MSH4: variants seen among roughly 807,000 people sequenced by gnomAD.
The protein encoded by MSH4 is mutS protein homolog 4.
MSH4 carries 106 observed loss-of-function variants against 113.7 expected under a neutral mutation model. The ratio of observed to expected loss-of-function variants is 0.93; its 90% confidence interval spans 0.80 to 1.10. The LOEUF is 1.10. Ranked by LOEUF, MSH4 falls within the 50% of genes least tolerant of loss-of-function variation. The pLI is 0.00. For synonymous variants in MSH4, 368 were observed against 380.2 expected, an observed-to-expected ratio of 0.97 and a Z score of 0.37; for missense variants, 1,061 against 1,093.7, an observed-to-expected ratio of 0.97 and a Z score of 0.42.
At chr1:75,839,198 C>T (rs1450606966) in intron 7 of MSH4, among the ~76,000 whole-genome samples, 5 of 151,564 alleles carry the variant, frequency 3.3e-5, no homozygotes, top group Admixed American at 3.3e-4. Context: ...ATAAACATTT[C>T]TCTGTTTTCT....
At position 75,803,478 on chromosome 1, in the gene MSH4, G is replaced by A. The variant is rs547535380; in HGVS notation, c.245-253G>A. ...CTAAAAATACAAAAATTCACCAGGC[G>A]TGGTGGCGGGTGCCTGTAATCCCAG... On this transcript the variant is annotated intron_variant, in intron 1 of 19. Transcript: ENST00000263187. Among the ~76,000 whole-genome samples, 17 of 152,080 alleles carry A rather than the reference G, an allele frequency of 1.1e-4. No homozygotes were observed. In the East Asian group the frequency reaches 2.3e-3, roughly 21 times the overall value.
chr1:75,807,936 A>G (rs1011782174), intron 3 of MSH4, among the ~76,000 whole-genome samples: 1 of 152,196 alleles, frequency 6.6e-6, no homozygotes, highest in Non-Finnish European at 1.5e-5. Context: ...GAGCTGGGAC[A>G]GACTCTTCTG....
intron 6 of MSH4, among the ~76,000 whole-genome samples, chr1:75,816,818 G>A (rs964005882): frequency 6.6e-5 from 10 of 152,014 alleles, no homozygotes; most frequent in Non-Finnish European, 1.5e-5. Flanking sequence ...ATAGAGACAG[G>A]GTTTCACCAT....
intron 8 of MSH4, among the ~76,000 whole-genome samples, chr1:75,862,641 TATC>T (rs1417420100): frequency 1.3e-5 from 2 of 152,176 alleles, no homozygotes; most frequent in South Asian, 2.1e-4. Flanking sequence ...GTTTCTCAGT[TATC>T]ATTTTTTTAA....
At chr1:75,813,241 G>A (rs12033058) in intron 4 of MSH4, among the ~76,000 whole-genome samples, 38,331 of 152,012 alleles carry the variant, frequency 0.25, 6,236 homozygotes, top group East Asian at 0.68. Flanking sequence ...ATTTCTGGGG[G>A]TAGATACACT....
chr1:75,910,703 G>T (rs1652770762), intron 19 of MSH4, among the ~76,000 whole-genome samples: 1 of 151,846 alleles, frequency 6.6e-6, no homozygotes, highest in Non-Finnish European at 1.5e-5. Context: ...CATCATTTCT[G>T]TTCAACTCTG....
chr1:75,892,011 T>C (rs542710905), intron 17 of MSH4, among the ~76,000 whole-genome samples: 27 of 152,264 alleles, frequency 1.8e-4, no homozygotes, highest in African/African-American at 6.0e-4. Context: ...GATATGTCTG[T>C]GAGGGTGTTT....
chr1:75,885,083 G>A (rs1334070155), intron 15 of MSH4, among the ~76,000 whole-genome samples: 2 of 114,200 alleles, frequency 1.8e-5, no homozygotes, highest in African/African-American at 3.8e-5. Flanking sequence ...ATACCAGCCA[G>A]GAGGCTTCTG....
intron 8 of MSH4, among the ~76,000 whole-genome samples, chr1:75,861,659 C>T (rs537613484): frequency 3.5e-4 from 54 of 152,302 alleles, no homozygotes; most frequent in South Asian, 2.1e-4. Context: ...GAGGGGCAAC[C>T]GCCTGTATGC....
chr1:75,825,646 C>A (rs1397729946), intron 7 of MSH4, among the ~76,000 whole-genome samples: 1 of 152,102 alleles, frequency 6.6e-6, no homozygotes, highest in East Asian at 1.9e-4. Flanking sequence ...CCATCAATAC[C>A]TAGTTTATTG....
chr1:75,884,339 C>G (rs767963477), intron 15 of MSH4, among the ~76,000 whole-genome samples: 1 of 152,044 alleles, frequency 6.6e-6, no homozygotes, highest in Non-Finnish European at 1.5e-5. Flanking sequence ...ATGGCTGTCA[C>G]TGACCCAACA....
Position 75,881,294 on chromosome 1 carries a change from A to G in MSH4, c.1830A>G (p.Leu610=). Residue 610 remains leucine, a synonymous_variant, in exon 14 of 20, where the codon TTA becomes TTG. Coordinates refer to ENST00000263187, the MANE Select transcript of MSH4 (RefSeq NM_002440.4). ...LSEIYEHIHC[L]YKLSDTVSML... is the part of the protein sequence containing the mutation. ...AGATTTATGAACATATTCATTGCTTATATAAACTATCTGACACTGTGTCAA... is the reference window on the plus strand; with the variant it reads ...AGATTTATGAACATATTCATTGCTTGTATAAACTATCTGACACTGTGTCAA... The G allele has an allele frequency of 6.2e-7, 1 of 1,609,418 alleles. No homozygotes were observed. The highest frequency in any genetic ancestry group is 8.5e-7 in the Non-Finnish European group (1 of 1,176,568).
chr1:75,825,331 T>C (rs1010198267), intron 7 of MSH4, among the ~76,000 whole-genome samples: 1 of 152,218 alleles, frequency 6.6e-6, no homozygotes, highest in African/African-American at 2.4e-5. Context: ...GAGATTTTGC[T>C]GAAGTTGTTT....
intron 8 of MSH4, among the ~76,000 whole-genome samples, chr1:75,854,077 A>G (rs1222313255): frequency 6.9e-6 from 1 of 145,836 alleles, no homozygotes; most frequent in Admixed American, 7.1e-5. Flanking sequence ...GTATTTATCT[A>G]TACAATAGAA....
intron 17 of MSH4, among the ~76,000 whole-genome samples, chr1:75,894,058 A>G (rs921630522): frequency 5.9e-5 from 9 of 152,160 alleles, no homozygotes; most frequent in Non-Finnish European, 1.0e-4. Context: ...TACCATGACT[A>G]TGAGAAATAA....
intron 19 of MSH4, among the ~76,000 whole-genome samples, chr1:75,904,661 C>T (rs180999026): frequency 6.0e-4 from 92 of 152,144 alleles, no homozygotes; most frequent in African/African-American, 2.1e-3. Flanking sequence ...CAGGTACACA[C>T]CACCACATCT....
chr1:75,859,056 G>A (rs1159041732), intron 8 of MSH4, among the ~76,000 whole-genome samples: 1 of 152,150 alleles, frequency 6.6e-6, no homozygotes, highest in African/African-American at 2.4e-5. Context: ...TTGCATAGAG[G>A]TGTTTATAGT....
At chr1:75,855,475 C>A (rs1376146607) in intron 8 of MSH4, among the ~76,000 whole-genome samples, 1 of 152,186 alleles carries the variant, frequency 6.6e-6, no homozygotes, top group Non-Finnish European at 1.5e-5. Flanking sequence ...CTCTGCGAAA[C>A]CTGTAGGGGA....
intron 15 of MSH4, among the ~76,000 whole-genome samples, chr1:75,884,612 C>T (rs1652018774): frequency 6.6e-6 from 1 of 151,928 alleles, no homozygotes; most frequent in Non-Finnish European, 1.5e-5. Flanking sequence ...TCTTCCTCTC[C>T]ACGCTCCCCT....
Sources: gnomAD v4.1 joint callset for allele counts (sites outside exome capture counted in the v4.1 genomes callset) on GRCh38, gnomAD v4.1.1 for gene constraint, MANE v1.5 for transcripts, NCBI Gene and HGNC (gene_info 2026-07-23, HGNC 2026-07-21) for gene names.